Variants in ROBO1 observed in about 807,000 individuals in gnomAD.
ROBO1 encodes the protein roundabout homolog 1.
ROBO1 carries 149 observed loss-of-function variants against 195.9 expected under a neutral mutation model. The observed-to-expected ratio is 0.76, with a 90% CI of 0.67 to 0.87. The LOEUF (loss-of-function observed/expected upper bound fraction) is 0.87, where lower values mean the gene tolerates loss of function less well. Ranked by LOEUF, ROBO1 falls within the 40% of genes least tolerant of loss-of-function variation. The pLI is 0.00. For missense variants in ROBO1, 1,933 were observed against 2,068.3 expected (o/e 0.93, Z 1.27); for synonymous variants, 816 against 733.2 (o/e 1.11, Z -1.82).
At chr3:79,395,166 A>G (rs2037096841) in intron 2 of ROBO1, among the ~76,000 whole-genome samples, 2 of 151,862 alleles carry the variant, frequency 1.3e-5, no homozygotes, top group Non-Finnish European at 1.5e-5. Flanking sequence ...CACTAAAAAT[A>G]CAAAAAATTC....
chr3:78,887,224 G>C (rs956732554), intron 4 of ROBO1, among the ~76,000 whole-genome samples: 1 of 152,146 alleles, frequency 6.6e-6, no homozygotes, highest in Non-Finnish European at 1.5e-5. Flanking sequence ...GGTTGGCTTA[G>C]GAATGCTGTG....
intron 2 of ROBO1, among the ~76,000 whole-genome samples, chr3:79,376,141 T>C (rs1407274582): frequency 6.6e-6 from 1 of 152,174 alleles, no homozygotes; most frequent in Non-Finnish European, 1.5e-5. Flanking sequence ...AATTTTTGAG[T>C]TTACACAATT....
At chr3:78,772,272 C>G (rs1003834256) in intron 4 of ROBO1, among the ~76,000 whole-genome samples, 1 of 151,950 alleles carries the variant, frequency 6.6e-6, no homozygotes, top group Non-Finnish European at 1.5e-5. Context: ...GACTTTATTG[C>G]TCTAATATTT....
chr3:79,271,831 T>C (rs2030588111), intron 2 of ROBO1, among the ~76,000 whole-genome samples: 1 of 152,088 alleles, frequency 6.6e-6, no homozygotes, highest in South Asian at 2.1e-4. Flanking sequence ...GAATGAATGA[T>C]TGATTTAATA....
At chr3:79,638,360 G>T (rs954765003) in intron 1 of ROBO1, among the ~76,000 whole-genome samples, 1 of 152,086 alleles carries the variant, frequency 6.6e-6, no homozygotes, top group South Asian at 2.1e-4. Flanking sequence ...AAAACCATAT[G>T]TATATTCTTA....
At chr3:79,463,080 G>C in intron 2 of ROBO1, among the ~76,000 whole-genome samples, 1 of 152,088 alleles carries the variant, frequency 6.6e-6, no homozygotes, top group African/African-American at 2.4e-5. Flanking sequence ...TTCACTGTCA[G>C]AACCTTTTCA....
intron 3 of ROBO1, among the ~76,000 whole-genome samples, chr3:79,111,453 T>A (rs1026919190): frequency 6.6e-6 from 1 of 152,154 alleles, no homozygotes; most frequent in Non-Finnish European, 1.5e-5. Context: ...CCCTTTCTTC[T>A]TATTGTATGG....
At chr3:78,847,764 C>T (rs553206023) in intron 4 of ROBO1, among the ~76,000 whole-genome samples, 2 of 152,156 alleles carry the variant, frequency 1.3e-5, no homozygotes, top group East Asian at 3.9e-4. Flanking sequence ...GGCCACACAG[C>T]AAGTTAAGGT....
At chr3:79,738,935 G>A (rs181190078) in intron 1 of ROBO1, among the ~76,000 whole-genome samples, 1 of 152,272 alleles carries the variant, frequency 6.6e-6, no homozygotes, top group Non-Finnish European at 1.5e-5. Context: ...AATTGCTACT[G>A]AAATACTGAG....
intron 4 of ROBO1, among the ~76,000 whole-genome samples, chr3:78,836,831 A>G (rs1323061501): frequency 6.6e-6 from 1 of 152,202 alleles, no homozygotes; most frequent in Non-Finnish European, 1.5e-5. Flanking sequence ...TTTAATTTAC[A>G]GTGCTCAAAT....
rs569635179 is a variant in ROBO1, at chr3:78,643,341, T to C, written c.2882+2807A>G. Among the ~76,000 whole-genome samples the C allele has an allele frequency of 1.2e-4, 19 of 152,328 alleles. No homozygotes were observed. In the South Asian group the frequency reaches 3.1e-3, roughly 25 times the overall value. On this transcript the variant is annotated intron_variant, in intron 21 of 30. Coordinates refer to ENST00000464233, the MANE Select transcript of ROBO1 (RefSeq NM_002941.4). The stretch of plus-strand genomic sequence containing the variant: ...CAGGCTGGATTTGGCCCAAGAGCCA[T>C]AATTCACTGACCTCTGACATAAACA...
chr3:79,601,847 C>T (rs1453365526), intron 1 of ROBO1, among the ~76,000 whole-genome samples: 1 of 151,854 alleles, frequency 6.6e-6, no homozygotes, highest in African/African-American at 2.4e-5. Context: ...TGTATGAAAA[C>T]CTAAAATTAG....
intron 1 of ROBO1, among the ~76,000 whole-genome samples, chr3:79,767,478 C>T (rs542162995): frequency 6.6e-6 from 1 of 152,196 alleles, no homozygotes; most frequent in African/African-American, 2.4e-5. Context: ...GGACACTCTG[C>T]ACAACTGGCA....
At chr3:79,412,883 T>G (rs1007723377) in intron 2 of ROBO1, among the ~76,000 whole-genome samples, 1,059 of 72,920 alleles carry the variant, frequency 0.015, 20 homozygotes, top group Middle Eastern at 0.039. Context: ...GATTTTTTTT[T>G]TTTTTTTTTT....
At chr3:79,356,361 C>T (rs1050617207) in intron 2 of ROBO1, among the ~76,000 whole-genome samples, 6 of 152,082 alleles carry the variant, frequency 3.9e-5, no homozygotes, top group African/African-American at 1.4e-4. Context: ...TAAAATATTA[C>T]AATTTTTATT....
intron 1 of ROBO1, among the ~76,000 whole-genome samples, chr3:79,703,808 C>A (rs1351556070): frequency 6.6e-6 from 1 of 151,848 alleles, no homozygotes; most frequent in Admixed American, 6.6e-5. Context: ...GGTAAATTGG[C>A]CTAATACTTC....
chr3:79,597,693 A>T (rs920921850), intron 1 of ROBO1, among the ~76,000 whole-genome samples: 1 of 152,064 alleles, frequency 6.6e-6, no homozygotes, highest in Non-Finnish European at 1.5e-5. Context: ...CTTCACTTAT[A>T]TACTTGGATT....
At chr3:79,612,770 C>T (rs562796162) in intron 1 of ROBO1, among the ~76,000 whole-genome samples, 169 of 18,488 alleles carry the variant, frequency 9.1e-3, no homozygotes, top group African/African-American at 0.03. Context: ...TTGCATTTCT[C>T]TGATGGCCAG....
At chr3:78,888,460 T>C (rs1037109919) in intron 4 of ROBO1, among the ~76,000 whole-genome samples, 8 of 152,202 alleles carry the variant, frequency 5.3e-5, no homozygotes, top group Admixed American at 4.6e-4. Flanking sequence ...TATCTAATGT[T>C]TGTATTCTTA....
Sources: gnomAD v4.1 joint callset for allele counts (sites outside exome capture counted in the v4.1 genomes callset) on GRCh38, gnomAD v4.1.1 for gene constraint, MANE v1.5 for transcripts, NCBI Gene and HGNC (gene_info 2026-07-23, HGNC 2026-07-21) for gene names.